QSER1: variants seen among roughly 807,000 people sequenced by gnomAD.
The protein encoded by QSER1 is glutamine and serine-rich protein 1.
Under a neutral mutation model 158.5 loss-of-function variants are expected in QSER1, and 49 were observed. The observed-to-expected ratio is 0.31, with a 90% CI of 0.25 to 0.39. The LOEUF (loss-of-function observed/expected upper bound fraction) is 0.39. QSER1 is among the 10% of genes least tolerant of loss of function. The pLI is 1.00. For synonymous variants in QSER1, 650 were observed against 715.5 expected, an observed-to-expected ratio of 0.91 and a Z score of 1.46; for missense variants, 1,754 against 2,010.3, an observed-to-expected ratio of 0.87 and a Z score of 2.44.
rs1852746102 is a variant in QSER1 at position 32,966,289 on chromosome 11, C to A, written c.4970-11C>A. The A allele has an allele frequency of 6.2e-7, 1 of 1,610,372 alleles. No homozygotes were observed. The highest frequency in any genetic ancestry group is 1.7e-5 in the Admixed American group (1 of 59,006). ...AGGAAAATTTAATATTTAACCCTTT[C>A]TCCCTCCCAGAATTTGAACCTCCCG... On this transcript the variant is annotated splice_polypyrimidine_tract_variant and intron_variant, in intron 8 of 12. Transcript: ENST00000650167.
chr11:32,969,005 T>G (rs1480685557), intron 9 of QSER1, 41 bp from the exon 10 acceptor site: 21 of 1,088,042 alleles, frequency 1.9e-5, no homozygotes, highest in Non-Finnish European at 2.8e-5. Context: ...TCAAAAATAT[T>G]TATTGATAGT....
chr11:32,954,662 G>T (rs1228928951), intron 5 of QSER1, among the ~76,000 whole-genome samples: 8 of 152,134 alleles, frequency 5.3e-5, no homozygotes. Flanking sequence ...GTTTCTGTTT[G>T]CTTGCTTTGC....
Position 32,978,645 on chromosome 11 carries a change from A to C in QSER1, c.*2171A>C, listed in dbSNP as rs1444368873. 6.6e-6 allele frequency: 1 copy of C among 152,190 alleles called. No individual in the cohort carries two copies. Among genetic ancestry groups the C allele is most frequent in the Non-Finnish European group, 1.5e-5 (1 of 68,026 alleles). 9.4% of individuals were successfully genotyped at this position (152,190 alleles called of 1,614,324 possible). ...AATAACCCATTTCCTTTGGCACTGC[A>C]GTTGCCCTCAAACTGCTTGCAGTTG... On this transcript the variant is annotated 3_prime_UTR_variant, in exon 13 of 13. Transcript: ENST00000650167.
chr11:32,894,643 G>A (rs139747082), intron 1 of QSER1, among the ~76,000 whole-genome samples: 1 of 152,338 alleles, frequency 6.6e-6, no homozygotes, highest in East Asian at 1.9e-4. Context: ...TGGGACGATT[G>A]TGAAAGAATG....
Position 32,956,050 on chromosome 11 carries a change from A to G in QSER1, c.4680A>G (p.Glu1560=). The change falls in exon 7 of 13, where the codon GAA becomes GAG. Residue 1560 remains glutamate, a synonymous_variant. Coordinates refer to ENST00000650167, the MANE Select transcript of QSER1 (RefSeq NM_001076786.3). The part of the protein sequence containing the change: ...KYKRIYVKFI[E]NANKKEYVRV... ...AAAGAATATATGTGAAGTTCATTGA[A>G]AATGCAAACAAGAAGGAATATGTCA... is the stretch of plus-strand genomic sequence containing the variant. 6.2e-7 allele frequency: 1 copy of G among 1,610,102 alleles called. No homozygotes were observed. The highest frequency in any genetic ancestry group is 8.5e-7 in the Non-Finnish European group (1 of 1,176,654).
At chr11:32,957,695 G>T in intron 7 of QSER1, 174 bp from the exon 8 acceptor site, 1 of 590,630 alleles carries the variant, frequency 1.7e-6, no homozygotes, top group East Asian at 2.9e-5. Context: ...TGTATTTTAA[G>T]AAAATTTTAT....
chr11:32,912,755 T>C (rs984042865), intron 1 of QSER1, among the ~76,000 whole-genome samples: 1 of 151,862 alleles, frequency 6.6e-6, no homozygotes, highest in Admixed American at 6.6e-5. Context: ...TAAAAAGATA[T>C]TTAAAAAACT....
intron 12 of QSER1, chr11:32,975,586 T>C (rs1367979890): frequency 7.6e-7 from 1 of 1,320,852 alleles, no homozygotes; most frequent in Non-Finnish European, 9.8e-7. Flanking sequence ...TTTGAAGCTG[T>C]TGGTGCTTGC....
chr11:32,907,242 G>C (rs1412393426), intron 1 of QSER1, among the ~76,000 whole-genome samples: 1 of 152,130 alleles, frequency 6.6e-6, no homozygotes, highest in Non-Finnish European at 1.5e-5. Context: ...AGTATAAAAT[G>C]AGTAATACAA....
intron 4 of QSER1, among the ~76,000 whole-genome samples, chr11:32,946,500 G>C (rs962440215): frequency 1.3e-5 from 2 of 152,170 alleles, no homozygotes; most frequent in Non-Finnish European, 2.9e-5. Context: ...CCTGCAGTGT[G>C]AGGTGTCAGG....
rs1398323867 is a variant in QSER1 at position 32,979,944 on chromosome 11, T to C, written c.*3470T>C. On this transcript the variant is annotated 3_prime_UTR_variant, in exon 13 of 13. Coordinates refer to ENST00000650167, the MANE Select transcript of QSER1 (RefSeq NM_001076786.3). ...CTATTTCTCCAAGATGCTTTTCATA[T>C]AGAGTGAAATATCCCAGGATAACTG... The C allele has an allele frequency of 6.6e-6, 1 of 152,294 alleles. No homozygotes were observed. The highest frequency in any genetic ancestry group is 1.5e-5 in the Non-Finnish European group (1 of 68,032). 9.4% of individuals were successfully genotyped at this position (152,294 alleles called of 1,614,324 possible).
chr11:32,937,608 C>G (rs749607835), intron 4 of QSER1, among the ~76,000 whole-genome samples: 3 of 152,170 alleles, frequency 2.0e-5, no homozygotes, highest in Non-Finnish European at 4.4e-5. Flanking sequence ...TCTCGCCAGT[C>G]TCTATGCCAG....
At chr11:32,961,429 T>C (rs1294650744) in intron 8 of QSER1, among the ~76,000 whole-genome samples, 2 of 152,224 alleles carry the variant, frequency 1.3e-5, no homozygotes, top group Non-Finnish European at 2.9e-5. Flanking sequence ...CTCAGTGATA[T>C]AGATCTTCCA....
chr11:32,905,511 G>A (rs938765958), intron 1 of QSER1, among the ~76,000 whole-genome samples: 4 of 151,414 alleles, frequency 2.6e-5, no homozygotes, highest in South Asian at 2.1e-4. Flanking sequence ...TGAACCCTTC[G>A]GAAGGATGGG....
At chr11:32,926,513 G>A (rs895508221) in intron 1 of QSER1, among the ~76,000 whole-genome samples, 9 of 152,064 alleles carry the variant, frequency 5.9e-5, no homozygotes. Flanking sequence ...GAATCTTAAG[G>A]GACAGGTATA....
At chr11:32,899,526 T>G (rs1411208376) in intron 1 of QSER1, among the ~76,000 whole-genome samples, 1 of 152,226 alleles carries the variant, frequency 6.6e-6, no homozygotes, top group African/African-American at 2.4e-5. Flanking sequence ...CAGTGTTACC[T>G]GTATCTCCTT....
chr11:32,908,532 C>G (rs532139238), intron 1 of QSER1, among the ~76,000 whole-genome samples: 1 of 152,220 alleles, frequency 6.6e-6, no homozygotes, highest in Admixed American at 6.5e-5. Context: ...TTAGTGAAAA[C>G]AAACATCTTC....
At position 32,953,878 on chromosome 11, in the gene QSER1, C is replaced by G; in HGVS notation, c.4199C>G (p.Thr1400Ser). Residue 1400 changes from threonine to serine, a missense_variant, in exon 5 of 13, where the codon ACT (threonine) becomes AGT (serine). Thr to Ser is a moderately conservative substitution (Grantham distance 58, BLOSUM62 1). Transcript: ENST00000650167. ...TCAGAAGCCCTACAGGTGGCAACTA[C>G]TAGCCCAACTGCCAATACTACTGGT... is the stretch of plus-strand genomic sequence containing the variant. The part of the protein sequence containing the change: ...KKTEALQVAT[T>S]SPTANTTGTA... 2 of 1,613,168 alleles carry G rather than the reference C, an allele frequency of 1.2e-6. No individual in the cohort carries two copies. The highest frequency in any genetic ancestry group is 1.7e-6 in the Non-Finnish European group (2 of 1,179,380).
At chr11:32,942,874 G>A (rs1223041252) in intron 4 of QSER1, among the ~76,000 whole-genome samples, 2 of 152,116 alleles carry the variant, frequency 1.3e-5, no homozygotes, top group Admixed American at 6.5e-5. Flanking sequence ...AGCATGGAAT[G>A]TTCTTCCATT....
Sources: gnomAD v4.1 joint callset for allele counts (sites outside exome capture counted in the v4.1 genomes callset) on GRCh38, gnomAD v4.1.1 for gene constraint, MANE v1.5 for transcripts, NCBI Gene and HGNC (gene_info 2026-07-23, HGNC 2026-07-21) for gene names.